The following PTPRM variants were observed in gnomAD, a reference collection of about 807,000 sequenced individuals.
The protein encoded by PTPRM is protein tyrosine phosphatase receptor type M.
In PTPRM, 47 loss-of-function variants were observed where a neutral mutation model predicts 186.7. That is an observed-to-expected ratio of 0.25 (90% confidence interval 0.20 to 0.32). The LOEUF (loss-of-function observed/expected upper bound fraction) is 0.32, where lower values mean the gene tolerates loss of function less well. PTPRM is among the 10% of genes least tolerant of loss of function. The pLI is 1.00. For synonymous variants in PTPRM, 668 were observed against 674.9 expected (o/e 0.99, Z 0.16); for missense variants, 1,494 against 1,865.0 (o/e 0.80, Z 3.66).
chr18:8,019,105 G>C (rs963125759), intron 7 of PTPRM, among the ~76,000 whole-genome samples: 2 of 152,204 alleles, frequency 1.3e-5, no homozygotes, highest in African/African-American at 4.8e-5. Context: ...CTTCTAGATA[G>C]ATAGTGTCAT....
At chr18:8,382,183 T>C (rs1271380137) in intron 29 of PTPRM, among the ~76,000 whole-genome samples, 1 of 152,160 alleles carries the variant, frequency 6.6e-6, no homozygotes, top group Non-Finnish European at 1.5e-5. Context: ...TTTTAAGTAT[T>C]TATAGGTCCG....
At position 7,781,193 on chromosome 18, in the gene PTPRM, C is replaced by T. The variant is rs149411111; in HGVS notation, c.196+6922C>T. On this transcript the variant is annotated intron_variant, in intron 2 of 32. Transcript: ENST00000580170. ...AATTCTTATTTTCTCTTCTGAATGA[C>T]GCCAGGTAAGAAATAGAAGATATAA... Among the ~76,000 whole-genome samples the T allele has an allele frequency of 8.8e-4, 134 of 152,134 alleles. 1 individual carries two copies. The East Asian group carries it at 0.024, about 27-fold the overall frequency.
At chr18:7,607,478 C>T (rs539710517) in intron 1 of PTPRM, among the ~76,000 whole-genome samples, 2 of 152,176 alleles carry the variant, frequency 1.3e-5, no homozygotes, top group African/African-American at 4.8e-5. Flanking sequence ...AGCTTGCACT[C>T]GGGAGCCGTA....
chr18:7,651,766 G>T (rs375662866), intron 1 of PTPRM, among the ~76,000 whole-genome samples: 2 of 152,122 alleles, frequency 1.3e-5, no homozygotes, highest in African/African-American at 4.8e-5. Flanking sequence ...ATGGATTAAA[G>T]ACTTAAACGT....
At chr18:7,896,467 C>T (rs1050785834) in intron 3 of PTPRM, among the ~76,000 whole-genome samples, 1 of 152,050 alleles carries the variant, frequency 6.6e-6, no homozygotes, top group Non-Finnish European at 1.5e-5. Flanking sequence ...CAGTCAGAGG[C>T]CAGGGAGGCA....
At chr18:8,125,996 T>TTTTTTTTTTTTTTTTTAA (rs2092333231) in intron 13 of PTPRM, among the ~76,000 whole-genome samples, 1 of 13,244 alleles carries the variant, frequency 7.6e-5, no homozygotes, top group African/African-American at 1.4e-4. Context: ...TATATATATA[T>TTTTTTTTTTTTTTTTTAA]ATATATATAT....
intron 20 of PTPRM, among the ~76,000 whole-genome samples, chr18:8,311,034 C>T (rs1411125970): frequency 1.3e-5 from 2 of 152,158 alleles, no homozygotes; most frequent in Non-Finnish European, 2.9e-5. Context: ...TTAGGCTGGG[C>T]GTGGTGGCTC....
At chr18:7,917,344 TAACATAGTGA>T (rs1278354197) in intron 4 of PTPRM, among the ~76,000 whole-genome samples, 2 of 152,122 alleles carry the variant, frequency 1.3e-5, no homozygotes, top group African/African-American at 4.8e-5. Flanking sequence ...CCATCCTGGC[TAACATAGTGA>T]AACCCCATCT....
intron 1 of PTPRM, among the ~76,000 whole-genome samples, chr18:7,756,290 C>G (rs570671923): frequency 3.9e-5 from 6 of 152,152 alleles, no homozygotes. Flanking sequence ...ATCCCTCATT[C>G]TTCTGTAAAC....
intron 7 of PTPRM, among the ~76,000 whole-genome samples, chr18:8,038,331 A>G (rs1376216248): frequency 2.6e-5 from 4 of 151,030 alleles, no homozygotes; most frequent in African/African-American, 9.8e-5. Context: ...AGTTTTAAAA[A>G]CCCAGCTTTC....
intron 7 of PTPRM, among the ~76,000 whole-genome samples, chr18:8,067,407 A>G (rs918696097): frequency 1.3e-5 from 2 of 152,246 alleles, no homozygotes; most frequent in Non-Finnish European, 2.9e-5. Context: ...TTTTCCCAAC[A>G]GTAGTAATTT....
chr18:8,376,167 C>A lies in PTPRM; in HGVS notation c.3293C>A (p.Pro1098Gln). ...GTGCGGCAAGTCAAGTCCAAGAGCC[C>A]GCCCAGTGCAGGCCCACTGGTGGTG... The part of the protein sequence containing the change: ...GFVRQVKSKS[P>Q]PSAGPLVVHC... The change falls in exon 25 of 33, where the codon CCG becomes CAG. Residue 1098 changes from proline to glutamine, a missense_variant. Transcript: ENST00000580170. 6.2e-7 allele frequency: 1 copy of A among 1,613,544 alleles called. No homozygotes were observed. Among genetic ancestry groups the A allele is most frequent in the Non-Finnish European group, 8.5e-7 (1 of 1,179,970 alleles).
chr18:7,649,046 C>A (rs1468637988), intron 1 of PTPRM, among the ~76,000 whole-genome samples: 2 of 152,156 alleles, frequency 1.3e-5, no homozygotes, highest in South Asian at 4.1e-4. Flanking sequence ...TAAGTTGAAG[C>A]CAATGCTTAT....
intron 14 of PTPRM, among the ~76,000 whole-genome samples, chr18:8,218,765 C>T (rs756331804): frequency 3.3e-5 from 5 of 152,298 alleles, no homozygotes; most frequent in South Asian, 4.1e-4. Context: ...GAGCAGTGCC[C>T]GCCTTGACAT....
chr18:7,955,461 G>A (rs1359472900), intron 7 of PTPRM, 47 bp downstream of exon 7: 1 of 1,567,020 alleles, frequency 6.4e-7, no homozygotes, highest in South Asian at 1.2e-5. Flanking sequence ...CTTTCCTGGT[G>A]TTGACTGGCA....
chr18:8,023,977 C>T (rs1295424409), intron 7 of PTPRM, among the ~76,000 whole-genome samples: 2 of 152,068 alleles, frequency 1.3e-5, no homozygotes, highest in African/African-American at 2.4e-5. Flanking sequence ...GTGCTAATTA[C>T]TCACGTAACT....
intron 1 of PTPRM, among the ~76,000 whole-genome samples, chr18:7,726,767 A>G (rs1459226243): frequency 6.6e-6 from 1 of 152,210 alleles, no homozygotes; most frequent in East Asian, 1.9e-4. Context: ...CATTGAGGGT[A>G]TCAGTTCCTT....
chr18:8,348,413 T>C (rs971500014), intron 23 of PTPRM, among the ~76,000 whole-genome samples: 3 of 152,224 alleles, frequency 2.0e-5, no homozygotes, highest in African/African-American at 4.8e-5. Context: ...ACAGGACCTG[T>C]CATTATCTAA....
At chr18:8,319,756 T>G (rs1219426045) in intron 22 of PTPRM, among the ~76,000 whole-genome samples, 1 of 152,090 alleles carries the variant, frequency 6.6e-6, no homozygotes, top group Non-Finnish European at 1.5e-5. Flanking sequence ...CAAAAACCGT[T>G]TTGTGGCAGA....
Sources: allele counts gnomAD v4.1 joint callset (sites outside exome capture counted in the v4.1 genomes callset), GRCh38; gene constraint gnomAD v4.1.1; transcripts MANE v1.5; gene names NCBI Gene and HGNC (gene_info 2026-07-23, HGNC 2026-07-21).